Variants in FAM120B observed in about 807,000 individuals in gnomAD.
FAM120B encodes family with sequence similarity 120 member B, also known as constitutive coactivator of peroxisome proliferator-activated receptor gamma.
FAM120B carries 83 observed loss-of-function variants against 96.3 expected under a neutral mutation model. That is an observed-to-expected ratio of 0.86 (90% CI 0.72 to 1.03). The LOEUF is 1.03. FAM120B is among the 50% of genes least tolerant of loss of function. FAM120B has a pLI of 0.00. For synonymous variants in FAM120B, 407 were observed against 402.7 expected (o/e 1.01, Z -0.13); for missense variants, 1,027 against 1,121.2 (o/e 0.92, Z 1.20).
At chr6:170,372,836 A>T (rs938814705) in intron 6 of FAM120B, among the ~76,000 whole-genome samples, 8 of 152,250 alleles carry the variant, frequency 5.3e-5, no homozygotes, top group Non-Finnish European at 1.0e-4. Context: ...AAAGAATTTT[A>T]GTTATAAAAT....
intron 6 of FAM120B, among the ~76,000 whole-genome samples, chr6:170,359,988 C>T (rs937635999): frequency 6.6e-6 from 1 of 152,176 alleles, no homozygotes; most frequent in African/African-American, 2.4e-5. Flanking sequence ...GTTGTGGCTG[C>T]CATTGGCTGT....
At chr6:170,303,806 A>C (rs1225909118), upstream of FAM120B, among the ~76,000 whole-genome samples, 1 of 152,200 alleles carries the variant, frequency 6.6e-6, no homozygotes, top group Admixed American at 6.5e-5. Flanking sequence ...GACATATGCT[A>C]TATCCTTTTT....
chr6:170,330,443 C>A lies in FAM120B; in HGVS notation c.1916-6C>A, dbSNP rs1255920475. 1.9e-6 allele frequency: 3 copies of A among 1,612,896 alleles called. No homozygotes were observed. The African/African-American group carries it at 4.0e-5, about 22-fold the overall frequency. ...TGCATCTACTGACCCAACTCTTTTT[C>A]TTCAGATGTCACCAGCACCTGCCTA... On this transcript the variant is annotated splice_polypyrimidine_tract_variant and splice_region_variant and intron_variant, in intron 3 of 10. Coordinates refer to ENST00000476287, the MANE Select transcript of FAM120B (RefSeq NM_032448.3).
intron 6 of FAM120B, among the ~76,000 whole-genome samples, chr6:170,365,720 C>G (rs149373277): frequency 0.014 from 2,189 of 151,194 alleles, 56 homozygotes; most frequent in African/African-American, 0.051. Context: ...TCCCTCCCCC[C>G]CCTCCCCCCT....
chr6:170,309,554 G>T (rs530015393), intron 1 of FAM120B, among the ~76,000 whole-genome samples: 11 of 152,058 alleles, frequency 7.2e-5, no homozygotes, highest in African/African-American at 2.7e-4. Flanking sequence ...TATATCTTTT[G>T]GTGTTTCCAT....
chr6:170,359,825 A>C, intron 6 of FAM120B, among the ~76,000 whole-genome samples: 1 of 152,140 alleles, frequency 6.6e-6, no homozygotes. Flanking sequence ...TTTTTTTTGT[A>C]TTAGAAATTT....
upstream of FAM120B, among the ~76,000 whole-genome samples, chr6:170,303,619 C>T (rs1468414271): frequency 6.6e-6 from 1 of 152,188 alleles, no homozygotes; most frequent in African/African-American, 2.4e-5. Flanking sequence ...CTATGGACTT[C>T]CTAACTCTAG....
intron 6 of FAM120B, among the ~76,000 whole-genome samples, chr6:170,384,348 C>T (rs6456205): frequency 0.94 from 142,843 of 152,248 alleles, 67,103 homozygotes; most frequent in East Asian, 1. Context: ...TCTTTGTCAA[C>T]TCCTGTGAAT....
At chr6:170,339,778 CAAAAA>C (rs35932232) in intron 4 of FAM120B, among the ~76,000 whole-genome samples, 1 of 90,260 alleles carries the variant, frequency 1.1e-5, no homozygotes. Context: ...GACTCCATCT[CAAAAA>C]AAAAAAAAAA....
At chr6:170,330,615 G>C (rs1785956888) in intron 4 of FAM120B, 65 bp downstream of exon 4, 2 of 1,231,542 alleles carry the variant, frequency 1.6e-6, no homozygotes, top group African/African-American at 1.5e-5. Context: ...GTCTAAGAAT[G>C]CATCAGTTAT....
chr6:170,337,664 CT>C (rs922607324), intron 4 of FAM120B, among the ~76,000 whole-genome samples: 1 of 151,776 alleles, frequency 6.6e-6, no homozygotes, highest in Admixed American at 6.6e-5. Context: ...TGGTCCTGGG[CT>C]TTTTTTTGGT....
At chr6:170,400,591 C>G (rs1409086240) in intron 9 of FAM120B, among the ~76,000 whole-genome samples, 2 of 152,164 alleles carry the variant, frequency 1.3e-5, no homozygotes, top group African/African-American at 2.4e-5. Context: ...TGTGGCCTGA[C>G]CGGCTGCAGG....
chr6:170,345,996 G>A (rs1324427246), intron 4 of FAM120B, among the ~76,000 whole-genome samples: 8 of 152,180 alleles, frequency 5.3e-5, no homozygotes, highest in Admixed American at 2.0e-4. Context: ...TGTGGCTGCC[G>A]AATACTGTAG....
chr6:170,380,350 T>C (rs1359634709), intron 6 of FAM120B, among the ~76,000 whole-genome samples: 2 of 152,204 alleles, frequency 1.3e-5, no homozygotes, highest in Non-Finnish European at 2.9e-5. Flanking sequence ...TGATTTCAGT[T>C]GCTTTGGGTC....
intron 6 of FAM120B, among the ~76,000 whole-genome samples, chr6:170,384,330 C>T (rs939958736): frequency 1.3e-4 from 20 of 152,126 alleles, no homozygotes; most frequent in African/African-American, 4.3e-4. Context: ...ATGGGGCCCT[C>T]TATCCTATCT....
chr6:170,403,431 T>C (rs566874718), intron 9 of FAM120B, among the ~76,000 whole-genome samples: 7 of 148,132 alleles, frequency 4.7e-5, no homozygotes, highest in African/African-American at 1.8e-4. Flanking sequence ...TCCAGGGCAA[T>C]TGATAGGTAA....
intron 4 of FAM120B, among the ~76,000 whole-genome samples, chr6:170,342,989 C>G (rs1786938519): frequency 6.6e-6 from 1 of 152,346 alleles, no homozygotes; most frequent in East Asian, 1.9e-4. Context: ...CTGAGTTGGT[C>G]TGCCTTCCAA....
chr6:170,391,468 G>A (rs545335230), intron 8 of FAM120B, among the ~76,000 whole-genome samples: 2 of 152,200 alleles, frequency 1.3e-5, no homozygotes, highest in African/African-American at 2.4e-5. Context: ...CTGGGAGGTG[G>A]AGGTTGCAGT....
At chr6:170,299,509 G>A (rs1784097295) in intron 1 of FAM120B, among the ~76,000 whole-genome samples, 1 of 152,190 alleles carries the variant, frequency 6.6e-6, no homozygotes. Flanking sequence ...CCTGCTCTAG[G>A]CAGAGATGGG....
Sources: gnomAD v4.1 joint callset for allele counts (sites outside exome capture counted in the v4.1 genomes callset) on GRCh38, gnomAD v4.1.1 for gene constraint, MANE v1.5 for transcripts, NCBI Gene and HGNC (gene_info 2026-07-23, HGNC 2026-07-21) for gene names.